Variants in EFCAB5 observed in about 807,000 individuals in gnomAD.
EFCAB5 encodes EF-hand calcium binding domain 5.
A neutral mutation model predicts 167.9 loss-of-function variants in EFCAB5; 131 were observed. That is an observed-to-expected ratio of 0.78 (90% confidence interval 0.68 to 0.90). The LOEUF is 0.90. EFCAB5 is among the 40% of genes least tolerant of loss of function. The pLI is 0.00. For missense variants in EFCAB5, 1,663 were observed against 1,745.2 expected (o/e 0.95, Z 0.84); for synonymous variants, 574 against 602.8 (o/e 0.95, Z 0.70).
chr17:29,996,365 G>C lies in EFCAB5; in HGVS notation c.973+5G>C, dbSNP rs138419389. The C allele has an allele frequency of 7.8e-4, 1,203 of 1,548,700 alleles. 9 individuals are homozygous for C. The African/African-American group carries it at 0.014, about 18-fold the overall frequency. On this transcript the variant is annotated splice_donor_5th_base_variant and intron_variant, in intron 6 of 22. Transcript: ENST00000394835. ...AAAATCCAGATTTCAAGCTTGGTAA[G>C]TCTGCCTATTACTCTGATATTTTTA... is the stretch of plus-strand genomic sequence containing the variant.
chr17:29,994,286 A>T (rs2151639609), intron 5 of EFCAB5, among the ~76,000 whole-genome samples: 1 of 151,186 alleles, frequency 6.6e-6, no homozygotes, highest in South Asian at 2.1e-4. Context: ...AATGTTTTTA[A>T]AAATGGACTA....
intron 7 of EFCAB5, among the ~76,000 whole-genome samples, chr17:30,031,440 G>T (rs979880409): frequency 6.6e-6 from 1 of 152,162 alleles, no homozygotes; most frequent in Non-Finnish European, 1.5e-5. Flanking sequence ...CAGCTAAGAG[G>T]ACTGTTTATT....
chr17:30,063,863 C>T (rs1296368150), intron 14 of EFCAB5, among the ~76,000 whole-genome samples: 3 of 152,210 alleles, frequency 2.0e-5, no homozygotes, highest in Admixed American at 6.5e-5. Context: ...CTGCCACAAA[C>T]TTTCTACTGC....
intron 14 of EFCAB5, among the ~76,000 whole-genome samples, chr17:30,076,355 T>C (rs1305640892): frequency 6.6e-6 from 1 of 152,260 alleles, no homozygotes; most frequent in Non-Finnish European, 1.5e-5. Context: ...CTAAGGCACA[T>C]GCTCCACCTC....
chr17:29,962,468 C>T (rs1234291083), intron 3 of EFCAB5, among the ~76,000 whole-genome samples: 3 of 151,474 alleles, frequency 2.0e-5, no homozygotes, highest in Non-Finnish European at 2.9e-5. Context: ...TTTCCTTTTT[C>T]CCCCTGTTTT....
intron 7 of EFCAB5, among the ~76,000 whole-genome samples, chr17:30,027,277 G>A (rs1366694516): frequency 7.1e-6 from 1 of 141,126 alleles, no homozygotes; most frequent in Non-Finnish European, 1.5e-5. Flanking sequence ...GAGCCACCAT[G>A]CCCAGCCACA....
At chr17:29,939,270 A>G (rs1386977688), upstream of EFCAB5, among the ~76,000 whole-genome samples, 1 of 152,270 alleles carries the variant, frequency 6.6e-6, no homozygotes, top group Non-Finnish European at 1.5e-5. Context: ...TCCTTAAGCC[A>G]TACTGTAAAC....
intron 7 of EFCAB5, among the ~76,000 whole-genome samples, chr17:30,008,067 A>G (rs1267401823): frequency 1.2e-5 from 1 of 86,832 alleles, no homozygotes; most frequent in African/African-American, 1.1e-4. Context: ...TTAAGTCAAT[A>G]GCAATCTAAT....
chr17:30,095,113 C>G (rs2071270732), intron 22 of EFCAB5, among the ~76,000 whole-genome samples: 1 of 152,182 alleles, frequency 6.6e-6, no homozygotes, highest in African/African-American at 2.4e-5. Flanking sequence ...GAATTTTAGA[C>G]AGATGTTGCC....
At chr17:30,087,204 C>T (rs1251725777) in intron 19 of EFCAB5, 38 bp downstream of exon 19, 3 of 1,554,522 alleles carry the variant, frequency 1.9e-6, no homozygotes, top group African/African-American at 2.7e-5. Flanking sequence ...TGCTAGAACA[C>T]ATCCTTCTGG....
At chr17:30,095,138 C>G (rs1488192563) in intron 22 of EFCAB5, among the ~76,000 whole-genome samples, 1 of 152,182 alleles carries the variant, frequency 6.6e-6, no homozygotes. Flanking sequence ...TGGAAATGTT[C>G]TTAGACCCAG....
At chr17:30,101,125 T>C (rs944510277) in intron 22 of EFCAB5, among the ~76,000 whole-genome samples, 3 of 152,138 alleles carry the variant, frequency 2.0e-5, no homozygotes. Flanking sequence ...AAGTGTGGGA[T>C]TACAAGCATG....
At chr17:30,081,059 TC>T (rs2070979729) in intron 17 of EFCAB5, 78 bp downstream of exon 17, 2 of 1,134,056 alleles carry the variant, frequency 1.8e-6, no homozygotes, top group Non-Finnish European at 2.6e-6. Context: ...AAACCTGAAA[TC>T]CGATGAGAGT....
chr17:29,991,928 T>C (rs1322496533), intron 4 of EFCAB5, among the ~76,000 whole-genome samples: 1 of 152,216 alleles, frequency 6.6e-6, no homozygotes, highest in African/African-American at 2.4e-5. Context: ...TTATATACAT[T>C]TGCAGGGTCA....
chr17:30,018,767 G>A (rs1377303932), intron 7 of EFCAB5, among the ~76,000 whole-genome samples: 2 of 151,996 alleles, frequency 1.3e-5, no homozygotes, highest in African/African-American at 4.8e-5. Context: ...TTGAGTTCTT[G>A]TCATATTGAA....
intron 3 of EFCAB5, among the ~76,000 whole-genome samples, chr17:29,967,959 C>T (rs929722207): frequency 1.1e-4 from 17 of 150,378 alleles, no homozygotes; most frequent in Admixed American, 6.0e-4. Flanking sequence ...ACTGCAGCCT[C>T]GACCTCCAGG....
intron 3 of EFCAB5, among the ~76,000 whole-genome samples, chr17:29,962,647 T>G (rs1337895493): frequency 6.6e-6 from 1 of 151,228 alleles, no homozygotes; most frequent in Admixed American, 6.6e-5. Flanking sequence ...TTTTTTTTTT[T>G]TTTTAGACAG....
In EFCAB5 at chr17:30,080,994, A is replaced by C. The variant is rs1486398000; in HGVS notation, c.3426+13A>C. 6.3e-7 allele frequency: 1 copy of C among 1,596,976 alleles called. No homozygotes were observed. ...CAGATTCTATCAGGTAAGTCATAGAAGTCTTCAAGAGCGATGGTAGGATGG... is the reference window on the plus strand; with the variant it reads ...CAGATTCTATCAGGTAAGTCATAGACGTCTTCAAGAGCGATGGTAGGATGG... On this transcript the variant is annotated intron_variant, in intron 17 of 22. Transcript: ENST00000394835.
chr17:30,097,992 T>TGCCACAATCACAGCTCACTGCAGC (rs2071327628), intron 22 of EFCAB5, among the ~76,000 whole-genome samples: 1 of 152,146 alleles, frequency 6.6e-6, no homozygotes, highest in Non-Finnish European at 1.5e-5. Context: ...TGGAGTGCAG[T>TGCCACAATCACAGCTCACTGCAGC]GCCACAATCA....
Sources: allele counts gnomAD v4.1 joint callset (sites outside exome capture counted in the v4.1 genomes callset), GRCh38; gene constraint gnomAD v4.1.1; transcripts MANE v1.5; gene names NCBI Gene and HGNC (gene_info 2026-07-23, HGNC 2026-07-21).